TRMT9B: variants seen among roughly 807,000 people sequenced by gnomAD.
TRMT9B encodes tRNA methyltransferase 9B (putative).
TRMT9B carries 16 observed loss-of-function variants against 11.5 expected under a neutral mutation model. The ratio of observed to expected loss-of-function variants is 1.39; its 90% confidence interval spans 0.94 to 2.11. The LOEUF is 2.11. Ranked by LOEUF, TRMT9B falls within the 30% of genes most tolerant of loss-of-function variation. The pLI, the probability that TRMT9B is intolerant of heterozygous loss-of-function variation, is 0.00. For missense variants in TRMT9B, 941 were observed against 553.8 expected (o/e 1.70, Z -7.02); for synonymous variants, 274 against 192.4 (o/e 1.42, Z -3.51).
intron 1 of TRMT9B, among the ~76,000 whole-genome samples, chr8:12,976,157 C>T (rs980485983): frequency 2.0e-5 from 3 of 152,180 alleles, no homozygotes; most frequent in South Asian, 4.1e-4. Flanking sequence ...GACCCAGTGC[C>T]ACTGCTGAGC....
Position 13,029,296 on chromosome 8 carries a change from C to G in TRMT9B, c.*7252C>G, listed in dbSNP as rs757665515. ...GGGTCAAAAGTGCAAAAACTTTTTT[C>G]TACAATGTACAGTTATTTTGACTTT... On this transcript the variant is annotated 3_prime_UTR_variant, in exon 5 of 5. Coordinates refer to ENST00000524591, the MANE Select transcript of TRMT9B (RefSeq NM_020844.3). 3 of 166,958 alleles carry G rather than the reference C, an allele frequency of 1.8e-5. No homozygotes were observed. The highest frequency in any genetic ancestry group is 6.6e-5 in the Admixed American group (1 of 15,254). The allele number at this position is 166,958 out of a possible 1,614,324, so 10.3% of individuals were successfully genotyped here.
chr8:12,951,166 C>G (rs898269771), intron 1 of TRMT9B, among the ~76,000 whole-genome samples: 1 of 152,038 alleles, frequency 6.6e-6, no homozygotes, highest in Non-Finnish European at 1.5e-5. Context: ...CTGATGGATG[C>G]TTTTTTGATG....
chr8:12,950,537 T>TTTTCTTTGTTTC (rs1554505542), intron 1 of TRMT9B, among the ~76,000 whole-genome samples: 6 of 149,358 alleles, frequency 4.0e-5, no homozygotes, highest in Admixed American at 2.0e-4. Context: ...ACTCGTGGTT[T>TTTTCTTTGTTTC]TTTCTTTCTT....
chr8:13,013,702 C>T lies in TRMT9B; in HGVS notation c.328+845C>T, dbSNP rs148711356. Among the ~76,000 whole-genome samples the T allele has an allele frequency of 3.3e-3, 496 of 152,282 alleles. 4 individuals are homozygous for T. Among genetic ancestry groups the T allele is most frequent in the African/African-American group, 0.01 (430 of 41,560 alleles). ...GTGCAGCGGCTCATGCCTGTAATCC[C>T]AACCCTTTGGGAGGCCGAAGTGGGT... On this transcript the variant is annotated intron_variant, in intron 4 of 4. Transcript: ENST00000524591.
chr8:12,993,957 A>T (rs1807866317), intron 2 of TRMT9B, among the ~76,000 whole-genome samples: 1 of 152,212 alleles, frequency 6.6e-6, no homozygotes, highest in Non-Finnish European at 1.5e-5. Flanking sequence ...ACTTGGGATG[A>T]GGCATGAGGA....
chr8:12,954,030 T>C (rs1366362521), intron 1 of TRMT9B, among the ~76,000 whole-genome samples: 1 of 152,218 alleles, frequency 6.6e-6, no homozygotes. Flanking sequence ...TATCTTAATA[T>C]GGATAAAGTT....
At chr8:12,989,757 C>G (rs1807000726) in intron 1 of TRMT9B, among the ~76,000 whole-genome samples, 1 of 152,222 alleles carries the variant, frequency 6.6e-6, no homozygotes, top group Admixed American at 6.5e-5. Flanking sequence ...CATCATCTCT[C>G]TTATAATTAA....
rs372874382 is a variant in TRMT9B at position 13,003,076 on chromosome 8, C to T, written c.-1-3126C>T. Among the ~76,000 whole-genome samples the T allele has an allele frequency of 1.1e-3, 174 of 152,242 alleles. 1 individual carries two copies. The highest frequency in any genetic ancestry group is 4.0e-3 in the African/African-American group (167 of 41,516). ...TCTGCTGTGTCCTAAGTGCTGGGGA[C>T]TCAGTATTAAATAAGACAACTCCTT... On this transcript the variant is annotated intron_variant, in intron 2 of 4. Transcript: ENST00000524591.
In TRMT9B at chr8:12,959,132, C is replaced by G. The variant is rs1340503181; in HGVS notation, c.-200+13166C>G. On this transcript the variant is annotated intron_variant, in intron 1 of 4. Coordinates refer to ENST00000524591, the MANE Select transcript of TRMT9B (RefSeq NM_020844.3). ...GAATTCTTCACGTGACCAAGAACAT[C>G]TTTGTAACACAGGGGACCATGAACT... Among the ~76,000 whole-genome samples the G allele has an allele frequency of 3.3e-5, 5 of 152,204 alleles. No individual in the cohort carries two copies. The South Asian group carries it at 8.3e-4, about 25-fold the overall frequency.
intron 1 of TRMT9B, among the ~76,000 whole-genome samples, chr8:12,947,567 C>A (rs979331936): frequency 6.6e-6 from 1 of 152,216 alleles, no homozygotes; most frequent in Non-Finnish European, 1.5e-5. Context: ...AAGCATCATG[C>A]AGCACATTTT....
chr8:13,016,553 C>T (rs999420283), intron 4 of TRMT9B, among the ~76,000 whole-genome samples: 10 of 151,770 alleles, frequency 6.6e-5, no homozygotes, highest in African/African-American at 2.4e-4. Context: ...TGCTTTTCCA[C>T]ATCTTTTAAT....
chr8:13,001,743 T>C (rs575828321), intron 2 of TRMT9B, among the ~76,000 whole-genome samples: 19 of 152,320 alleles, frequency 1.2e-4, no homozygotes, highest in African/African-American at 4.6e-4. Flanking sequence ...AAACTCATAG[T>C]GTGCTGGTGT....
At chr8:12,988,366 A>C (rs551845694) in intron 1 of TRMT9B, among the ~76,000 whole-genome samples, 1 of 152,190 alleles carries the variant, frequency 6.6e-6, no homozygotes, top group Admixed American at 6.5e-5. Flanking sequence ...AATAATTTGC[A>C]ATAACACAAA....
intron 1 of TRMT9B, among the ~76,000 whole-genome samples, chr8:12,959,477 TTCCTCTCCTC>T (rs56720994): frequency 1.4e-5 from 2 of 142,220 alleles, no homozygotes; most frequent in Non-Finnish European, 3.0e-5. Context: ...CATTTGTATT[TTCCTCTCCTC>T]TCCTCTCCTC....
chr8:12,961,140 AAAAC>A (rs1309613456), intron 1 of TRMT9B, among the ~76,000 whole-genome samples: 3 of 152,214 alleles, frequency 2.0e-5, no homozygotes, highest in African/African-American at 4.8e-5. Context: ...ACTCCATCTC[AAAAC>A]AAACAAACAA....
At chr8:12,962,564 C>A (rs999295634) in intron 1 of TRMT9B, among the ~76,000 whole-genome samples, 1 of 152,042 alleles carries the variant, frequency 6.6e-6, no homozygotes, top group Non-Finnish European at 1.5e-5. Flanking sequence ...GATCTTGGCT[C>A]ACTGCAACCT....
rs185735865 is a variant in TRMT9B, at chr8:13,001,508, C to A, written c.-1-4694C>A. On this transcript the variant is annotated intron_variant, in intron 2 of 4. Transcript: ENST00000524591. ...TTGTAGATAACATACTTCACTAAAA[C>A]TACATGAATGAAAAAGGATGATCAG... 1.9e-3 allele frequency among the ~76,000 whole-genome samples: 290 copies of A among 152,272 alleles called. 1 individual carries two copies. The highest frequency in any genetic ancestry group is 3.1e-3 in the Non-Finnish European group (213 of 68,014).
At chr8:13,005,655 A>G (rs1328852449) in intron 2 of TRMT9B, among the ~76,000 whole-genome samples, 4 of 152,228 alleles carry the variant, frequency 2.6e-5, no homozygotes, top group Admixed American at 6.5e-5. Flanking sequence ...TGAAATTGGG[A>G]AAAGCATTGA....
intron 4 of TRMT9B, among the ~76,000 whole-genome samples, chr8:13,018,492 T>A (rs1261261424): frequency 6.6e-6 from 1 of 152,184 alleles, no homozygotes; most frequent in Non-Finnish European, 1.5e-5. Context: ...GAGACCATTT[T>A]ATTAAAATAG....
Sources: allele counts gnomAD v4.1 joint callset (sites outside exome capture counted in the v4.1 genomes callset), GRCh38; gene constraint gnomAD v4.1.1; transcripts MANE v1.5; gene names NCBI Gene and HGNC (gene_info 2026-07-23, HGNC 2026-07-21).